The following BTBD9 variants were observed in gnomAD, a reference collection of about 807,000 sequenced individuals.
The protein encoded by BTBD9 is BTB/POZ domain-containing protein 9.
Under a neutral mutation model 64.3 loss-of-function variants are expected in BTBD9, and 49 were observed. That is an observed-to-expected ratio of 0.76 (90% CI 0.61 to 0.97). BTBD9 has a LOEUF of 0.97. Among genes scored for constraint, BTBD9 ranks in the 50% least tolerant of loss-of-function variants. The pLI is 0.00. For missense variants in BTBD9, 598 were observed against 762.1 expected (o/e 0.78, Z 2.53); for synonymous variants, 260 against 274.7 (o/e 0.95, Z 0.53).
intron 1 of BTBD9, among the ~76,000 whole-genome samples, chr6:38,603,637 C>G (rs1370141728): frequency 6.6e-6 from 1 of 152,166 alleles, no homozygotes; most frequent in African/African-American, 2.4e-5. Context: ...CAGTGTTTAA[C>G]CAGGAAATAG....
intron 6 of BTBD9, among the ~76,000 whole-genome samples, chr6:38,571,378 C>G (rs568515753): frequency 6.6e-6 from 1 of 152,232 alleles, no homozygotes; most frequent in African/African-American, 2.4e-5. Context: ...AAGAATGCTT[C>G]CATAAATAGC....
chr6:38,502,955 T>C (rs1772280709), intron 6 of BTBD9, among the ~76,000 whole-genome samples: 1 of 152,064 alleles, frequency 6.6e-6, no homozygotes, highest in Non-Finnish European at 1.5e-5. Flanking sequence ...ATGTGATAAG[T>C]GATATAAAAG....
intron 9 of BTBD9, among the ~76,000 whole-genome samples, chr6:38,247,536 CCAACATTAGGTTGCTGTAGAG>C (rs1764251487): frequency 6.6e-6 from 1 of 152,150 alleles, no homozygotes; most frequent in African/African-American, 2.4e-5. Flanking sequence ...GAGAAGCTTC[CCAACATTAGGTTGCTGTAGAG>C]ATTGCCTGCT....
chr6:38,434,943 C>T (rs533374872), intron 6 of BTBD9, among the ~76,000 whole-genome samples: 1 of 151,846 alleles, frequency 6.6e-6, no homozygotes, highest in Admixed American at 6.5e-5. Context: ...GTCTGTAATC[C>T]CAACACTTTG....
chr6:38,470,807 G>GC (rs769496819), intron 6 of BTBD9, among the ~76,000 whole-genome samples: 18 of 152,210 alleles, frequency 1.2e-4, no homozygotes, highest in Non-Finnish European at 1.8e-4. Context: ...AGCATTAGAA[G>GC]CCCTCCTGCC....
At chr6:38,512,951 T>G (rs191812702) in intron 6 of BTBD9, among the ~76,000 whole-genome samples, 23 of 152,274 alleles carry the variant, frequency 1.5e-4, no homozygotes, top group African/African-American at 4.6e-4. Context: ...AAAAGTATAA[T>G]AAGAAGCTAG....
At chr6:38,481,417 A>G (rs1204644495) in intron 6 of BTBD9, among the ~76,000 whole-genome samples, 3 of 152,200 alleles carry the variant, frequency 2.0e-5, no homozygotes, top group Non-Finnish European at 2.9e-5. Flanking sequence ...TGTAAAATAA[A>G]ATGAGGCCGC....
At chr6:38,508,600 C>T (rs1197070449) in intron 6 of BTBD9, among the ~76,000 whole-genome samples, 1 of 152,154 alleles carries the variant, frequency 6.6e-6, no homozygotes, top group Non-Finnish European at 1.5e-5. Context: ...CACATCACCC[C>T]ACTACTTAAA....
At chr6:38,270,560 G>A (rs1394786253) in intron 8 of BTBD9, among the ~76,000 whole-genome samples, 2 of 152,192 alleles carry the variant, frequency 1.3e-5, no homozygotes, top group East Asian at 3.8e-4. Flanking sequence ...TCACACATGA[G>A]AGTGTTTGGG....
intron 6 of BTBD9, among the ~76,000 whole-genome samples, chr6:38,378,125 C>T (rs1489483526): frequency 6.6e-6 from 1 of 152,182 alleles, no homozygotes; most frequent in Non-Finnish European, 1.5e-5. Context: ...GGAACCCTCC[C>T]CCTTATCTGC....
intron 6 of BTBD9, among the ~76,000 whole-genome samples, chr6:38,534,631 A>T (rs531371889): frequency 2.4e-4 from 37 of 152,254 alleles, no homozygotes; most frequent in African/African-American, 8.9e-4. Context: ...ATACAACAAA[A>T]TACTAGCAAA....
intron 6 of BTBD9, among the ~76,000 whole-genome samples, chr6:38,429,175 C>T (rs770960311): frequency 3.3e-4 from 50 of 151,608 alleles, no homozygotes; most frequent in Non-Finnish European, 2.4e-4. Context: ...AACAACTGGG[C>T]TGGGCATGGT....
chr6:38,299,111 G>T (rs1417589730), intron 7 of BTBD9, among the ~76,000 whole-genome samples: 3 of 152,022 alleles, frequency 2.0e-5, no homozygotes, highest in South Asian at 2.1e-4. Flanking sequence ...GCAGTGTTTG[G>T]TTTTTTGTCC....
At chr6:38,406,830 T>C (rs1030261003) in intron 6 of BTBD9, among the ~76,000 whole-genome samples, 4 of 152,184 alleles carry the variant, frequency 2.6e-5, no homozygotes, top group African/African-American at 7.2e-5. Context: ...CTCAAACTCC[T>C]GGGCTCTAGC....
intron 6 of BTBD9, among the ~76,000 whole-genome samples, chr6:38,390,139 T>TC (rs1766348385): frequency 6.6e-6 from 1 of 152,218 alleles, no homozygotes; most frequent in Non-Finnish European, 1.5e-5. Context: ...CAGAAGGCTT[T>TC]CATTCTCCTC....
At chr6:38,369,112 T>A (rs1490362386) in intron 6 of BTBD9, among the ~76,000 whole-genome samples, 3 of 152,194 alleles carry the variant, frequency 2.0e-5, no homozygotes, top group African/African-American at 7.2e-5. Context: ...TCCTTCCCAC[T>A]GTCTTAACTT....
At chr6:38,543,217 G>T (rs1428644678) in intron 6 of BTBD9, among the ~76,000 whole-genome samples, 1 of 148,312 alleles carries the variant, frequency 6.7e-6, no homozygotes, top group East Asian at 2.0e-4. Flanking sequence ...CTTCTAAAAA[G>T]GTCTCCTCTG....
intron 1 of BTBD9, among the ~76,000 whole-genome samples, chr6:38,600,375 G>A (rs534960530): frequency 6.6e-6 from 1 of 152,342 alleles, no homozygotes; most frequent in African/African-American, 2.4e-5. Context: ...ATCAAGGACT[G>A]ACGTCAGGGA....
At chr6:38,404,841 T>C (rs2127245369) in intron 6 of BTBD9, among the ~76,000 whole-genome samples, 1 of 152,318 alleles carries the variant, frequency 6.6e-6, no homozygotes, top group Admixed American at 6.5e-5. Flanking sequence ...GGCCCGCACT[T>C]GAAATACTTT....
Sources: gnomAD v4.1 joint callset for allele counts (sites outside exome capture counted in the v4.1 genomes callset) on GRCh38, gnomAD v4.1.1 for gene constraint, MANE v1.5 for transcripts, NCBI Gene and HGNC (gene_info 2026-07-23, HGNC 2026-07-21) for gene names.